The following DLGAP5 variants were observed in gnomAD, a reference collection of about 807,000 sequenced individuals.
DLGAP5 encodes the protein DLG associated protein 5.
Under a neutral mutation model 99.6 loss-of-function variants are expected in DLGAP5, and 90 were observed. That is an observed-to-expected ratio of 0.90 (90% CI 0.76 to 1.08). The LOEUF (loss-of-function observed/expected upper bound fraction) is 1.08. Among genes scored for constraint, DLGAP5 ranks in the 50% least tolerant of loss-of-function variants. The pLI is 0.00. For synonymous variants in DLGAP5, 311 were observed against 321.3 expected (o/e 0.97, Z 0.34); for missense variants, 1,036 against 983.5 (o/e 1.05, Z -0.71).
At chr14:55,176,986 A>C in intron 8 of DLGAP5, 76 bp downstream of exon 8, 2 of 918,512 alleles carry the variant, frequency 2.2e-6, no homozygotes, top group South Asian at 4.0e-5. Flanking sequence ...GAAAAAAAAA[A>C]AAAAAAAAAA....
At chr14:55,172,608 AGTGAGACCC>A (rs1472638252) in intron 10 of DLGAP5, among the ~76,000 whole-genome samples, 1 of 152,104 alleles carries the variant, frequency 6.6e-6, no homozygotes, top group Admixed American at 6.6e-5. Flanking sequence ...TGGGTGACAG[AGTGAGACCC>A]TGTCTCAAAA....
intron 12 of DLGAP5, among the ~76,000 whole-genome samples, chr14:55,165,152 C>T (rs1025296364): frequency 1.3e-5 from 2 of 152,030 alleles, no homozygotes; most frequent in African/African-American, 2.4e-5. Context: ...ACAGACATCT[C>T]AGTAAAAGAT....
At chr14:55,180,866 T>C in intron 5 of DLGAP5, 88 bp from the exon 6 acceptor site, 1 of 1,499,478 alleles carries the variant, frequency 6.7e-7, no homozygotes, top group South Asian at 1.2e-5. Flanking sequence ...GCAATGCCTG[T>C]AGTCCCAGCT....
chr14:55,188,896 T>C (rs749920094), intron 2 of DLGAP5, 46 bp downstream of exon 2: 4 of 1,479,240 alleles, frequency 2.7e-6, no homozygotes, highest in Non-Finnish European at 2.8e-6. Context: ...AACCAACTAT[T>C]ATTCACTCTT....
chr14:55,186,869 C>T (rs1883452048), intron 2 of DLGAP5, among the ~76,000 whole-genome samples: 1 of 152,198 alleles, frequency 6.6e-6, no homozygotes, highest in Admixed American at 6.5e-5. Flanking sequence ...TCTGGTTATC[C>T]TCTTACATTA....
rs1042463098 is a variant in DLGAP5 at position 55,183,469 on chromosome 14, G to A, written c.432+91C>T. ...CACCTTCTACCAACCAGTTAATAAT[G>A]AGACTAAGGGAAAGGGGTTAGTCAC... On this transcript the variant is annotated intron_variant, in intron 3 of 18. Coordinates refer to ENST00000247191, the MANE Select transcript of DLGAP5 (RefSeq NM_014750.5). 8.6e-6 allele frequency: 8 copies of A among 933,484 alleles called. No individual in the cohort carries two copies. The East Asian group carries it at 8.8e-5, about 10-fold the overall frequency. The allele number at this position is 933,484 out of a possible 1,614,324, so 57.8% of individuals were successfully genotyped here.
At chr14:55,172,981 CAA>C (rs71291818) in intron 10 of DLGAP5, among the ~76,000 whole-genome samples, 103 of 62,108 alleles carry the variant, frequency 1.7e-3, no homozygotes, top group African/African-American at 5.4e-3. Flanking sequence ...GACTCCGTCT[CAA>C]AAAAAAAAAA....
intron 8 of DLGAP5, 112 bp from the exon 9 acceptor site, chr14:55,176,130 A>G: frequency 4.0e-6 from 4 of 989,556 alleles, no homozygotes; most frequent in Non-Finnish European, 5.7e-6. Flanking sequence ...AAATGTTTCT[A>G]TTTTTTTAAA....
At chr14:55,153,716 C>T in intron 15 of DLGAP5, among the ~76,000 whole-genome samples, 1 of 152,114 alleles carries the variant, frequency 6.6e-6, no homozygotes, top group South Asian at 2.1e-4. Flanking sequence ...GTACTTATGA[C>T]TCAAATGCAA....
intron 14 of DLGAP5, among the ~76,000 whole-genome samples, chr14:55,156,650 T>C (rs896739039): frequency 2.0e-5 from 3 of 152,146 alleles, no homozygotes; most frequent in Non-Finnish European, 4.4e-5. Context: ...TTCTTAACCA[T>C]GTGCAGGCAG....
chr14:55,165,400 G>A (rs1232560021), intron 12 of DLGAP5, among the ~76,000 whole-genome samples: 2 of 152,108 alleles, frequency 1.3e-5, no homozygotes, highest in African/African-American at 4.8e-5. Context: ...GCACATGCCT[G>A]TAGTCTCAGC....
At chr14:55,174,142 C>G (rs148504179) in intron 10 of DLGAP5, among the ~76,000 whole-genome samples, 4 of 152,160 alleles carry the variant, frequency 2.6e-5, no homozygotes, top group Non-Finnish European at 5.9e-5. Flanking sequence ...AAAGAGAATG[C>G]GCACCTGGGG....
intron 16 of DLGAP5, among the ~76,000 whole-genome samples, 166 bp downstream of exon 16, chr14:55,152,424 C>A (rs551131865): frequency 6.6e-6 from 1 of 152,302 alleles, no homozygotes; most frequent in African/African-American, 2.4e-5. Context: ...CAAAATGACA[C>A]TATGGTTTTA....
intron 10 of DLGAP5, 51 bp downstream of exon 10, chr14:55,175,295 A>G (rs568462094): frequency 5.1e-6 from 8 of 1,553,782 alleles, no homozygotes; most frequent in Non-Finnish European, 6.9e-6. Context: ...TTTGGTTTTA[A>G]ATGTCTAGAT....
At chr14:55,189,228 T>A in intron 1 of DLGAP5, 48 bp from the exon 2 acceptor site, 2 of 1,451,232 alleles carry the variant, frequency 1.4e-6, no homozygotes, top group Non-Finnish European at 1.9e-6. Context: ...TTTCATTATT[T>A]AAAAAATTAA....
intron 3 of DLGAP5, among the ~76,000 whole-genome samples, chr14:55,182,659 T>A (rs1883315371): frequency 6.6e-6 from 1 of 152,204 alleles, no homozygotes. Flanking sequence ...TCAAACCGTA[T>A]TTTCCAGGTA....
In DLGAP5 at chr14:55,183,632, C is replaced by T. The variant is rs1039204067; in HGVS notation, c.360G>A (p.Val120=). ...REKAKRGIFK[V]GRYRPDMPCF... ...AAGGCATATCAGGTCTATAACGACC[C>T]ACTTTAAATATTCCTCGTTTAGCTT... is the stretch of plus-strand genomic sequence containing the variant. The change falls in exon 3 of 19, where the codon GTG becomes GTA. Residue 120 remains valine, a synonymous_variant. Coordinates refer to ENST00000247191, the MANE Select transcript of DLGAP5 (RefSeq NM_014750.5). The T allele has an allele frequency of 1.2e-6, 2 of 1,610,172 alleles. No homozygotes were observed. The highest frequency in any genetic ancestry group is 2.7e-5 in the African/African-American group (2 of 74,682).
intron 13 of DLGAP5, among the ~76,000 whole-genome samples, chr14:55,162,082 A>C (rs1449124163): frequency 1.3e-5 from 2 of 148,632 alleles, no homozygotes; most frequent in South Asian, 2.1e-4. Context: ...GCTTAGTTTG[A>C]AAAGTGTCCA....
chr14:55,151,452 AG>A (rs1418584519), intron 17 of DLGAP5, among the ~76,000 whole-genome samples: 4 of 151,900 alleles, frequency 2.6e-5, no homozygotes, highest in African/African-American at 9.7e-5. Context: ...TCAACCTGGG[AG>A]GTGGAGGTTG....
Sources: allele counts gnomAD v4.1 joint callset (sites outside exome capture counted in the v4.1 genomes callset), GRCh38; gene constraint gnomAD v4.1.1; transcripts MANE v1.5; gene names NCBI Gene and HGNC (gene_info 2026-07-23, HGNC 2026-07-21).